The following UGGT2 variants were observed in gnomAD, a reference collection of about 807,000 sequenced individuals.
UGGT2 encodes UDP-glucose glycoprotein glucosyltransferase 2.
In UGGT2, 180 loss-of-function variants were observed where a neutral mutation model predicts 192.1. The ratio of observed to expected loss-of-function variants is 0.94; its 90% confidence interval spans 0.83 to 1.06. The LOEUF is 1.06. Among genes scored for constraint, UGGT2 ranks in the 50% least tolerant of loss-of-function variants. UGGT2 has a pLI of 0.00. For synonymous variants in UGGT2, 580 were observed against 591.0 expected, an observed-to-expected ratio of 0.98 and a Z score of 0.27; for missense variants, 1,849 against 1,795.7, an observed-to-expected ratio of 1.03 and a Z score of -0.54.
At chr13:95,887,831 G>A (rs1038795109) in intron 26 of UGGT2, 61 bp downstream of exon 26, 15 of 1,052,550 alleles carry the variant, frequency 1.4e-5, no homozygotes, top group South Asian at 2.9e-5. Context: ...AACAATGATT[G>A]TTTTTTTCTT....
chr13:95,987,503 G>A (rs368872762), intron 8 of UGGT2, among the ~76,000 whole-genome samples: 1 of 152,146 alleles, frequency 6.6e-6, no homozygotes. Context: ...CATTTTGAAG[G>A]AGGCTTAAAA....
intron 37 of UGGT2, among the ~76,000 whole-genome samples, chr13:95,835,723 T>C (rs1243381949): frequency 1.3e-5 from 2 of 152,116 alleles, no homozygotes; most frequent in Non-Finnish European, 2.9e-5. Flanking sequence ...AAAAACAATA[T>C]ACTAGGAAAA....
At chr13:95,812,888 C>A (rs1402510603) in intron 38 of UGGT2, among the ~76,000 whole-genome samples, 3 of 152,096 alleles carry the variant, frequency 2.0e-5, no homozygotes, top group South Asian at 2.1e-4. Context: ...AAGCTGATTG[C>A]CGTGATGGAT....
intron 4 of UGGT2, among the ~76,000 whole-genome samples, chr13:96,015,850 A>G (rs1016125467): frequency 5.3e-5 from 8 of 152,248 alleles, no homozygotes; most frequent in Admixed American, 1.3e-4. Flanking sequence ...ACCTATATAT[A>G]CACCGCAAGG....
chr13:95,979,546 CG>C, intron 10 of UGGT2, among the ~76,000 whole-genome samples: 1 of 5,892 alleles, frequency 1.7e-4, no homozygotes, highest in African/African-American at 3.8e-4. Flanking sequence ...TGGTCTCTTA[CG>C]CAAAAAAAAA....
chr13:95,804,174 A>C (rs944058402), intron 38 of UGGT2, among the ~76,000 whole-genome samples: 1 of 152,184 alleles, frequency 6.6e-6, no homozygotes, highest in South Asian at 2.1e-4. Flanking sequence ...TAAGTACAAA[A>C]GATCTATAGG....
rs1002272698 is a variant in UGGT2 at position 95,960,609 on chromosome 13, G to C, written c.1335+9503C>G. Among the ~76,000 whole-genome samples, 15 of 152,130 alleles carry C rather than the reference G, an allele frequency of 9.9e-5. 2 individuals carry two copies. The highest frequency in any genetic ancestry group is 3.6e-4 in the African/African-American group (15 of 41,530). ...GCTGTCCCAGAAGATTAAAAAAAAAGTATTAGAAAACCTATTTAATGAAAT... is the reference window on the plus strand; with the variant it reads ...GCTGTCCCAGAAGATTAAAAAAAAACTATTAGAAAACCTATTTAATGAAAT... On this transcript the variant is annotated intron_variant, in intron 12 of 38. Coordinates refer to ENST00000376747, the MANE Select transcript of UGGT2 (RefSeq NM_020121.4).
At chr13:96,006,214 T>G (rs1173212139) in intron 5 of UGGT2, among the ~76,000 whole-genome samples, 1 of 152,192 alleles carries the variant, frequency 6.6e-6, no homozygotes, top group Non-Finnish European at 1.5e-5. Flanking sequence ...GGAAAATTCA[T>G]CACACATATT....
intron 5 of UGGT2, 69 bp downstream of exon 5, chr13:96,013,238 T>C: frequency 7.0e-7 from 1 of 1,419,152 alleles, no homozygotes; most frequent in Non-Finnish European, 9.5e-7. Context: ...TTAAATCTAG[T>C]AAGACGATTA....
intron 38 of UGGT2, among the ~76,000 whole-genome samples, chr13:95,826,856 T>C (rs1886099230): frequency 6.6e-6 from 1 of 150,792 alleles, no homozygotes; most frequent in African/African-American, 2.4e-5. Context: ...ATTCTAAGGC[T>C]TGTATGGAAA....
intron 20 of UGGT2, among the ~76,000 whole-genome samples, chr13:95,905,247 G>T (rs1479346712): frequency 6.8e-6 from 1 of 148,130 alleles, no homozygotes; most frequent in African/African-American, 2.5e-5. Context: ...TTTGTAGGTT[G>T]CCTGTTCACT....
chr13:95,935,906 A>C (rs975186465), intron 17 of UGGT2, among the ~76,000 whole-genome samples: 1 of 152,282 alleles, frequency 6.6e-6, no homozygotes, highest in Non-Finnish European at 1.5e-5. Flanking sequence ...GACTTACTGC[A>C]GCCTCCATCT....
chr13:95,877,330 C>T lies in UGGT2; in HGVS notation c.3422G>A (p.Trp1141Ter). 1 of 1,607,596 alleles carries T rather than the reference C, an allele frequency of 6.2e-7. No homozygotes were observed. The highest frequency in any genetic ancestry group is 1.1e-5 in the South Asian group (1 of 88,870). ...YFQLKANPGAWILRLHQGKSE... is the reference protein window; with the variant it reads ...YFQLKANPGA ...TTTTCCTTGGTGTAACCTCAGTATC[C>T]AAGCACCTGGGTTTGCTTTTAATTG... The change falls in exon 29 of 39, where the codon TGG (tryptophan) becomes TAG (stop). Residue 1141 changes from tryptophan (W) to a stop codon, truncating the protein, a stop_gained. Transcript: ENST00000376747. LOFTEE classifies it high-confidence loss of function.
intron 38 of UGGT2, 71 bp downstream of exon 38, chr13:95,832,856 G>A: frequency 1.3e-6 from 2 of 1,565,012 alleles, no homozygotes; most frequent in Non-Finnish European, 1.7e-6. Flanking sequence ...ACTAAGAAAT[G>A]AGTCTGTAGT....
chr13:95,886,724 A>G (rs2047656372), intron 26 of UGGT2, among the ~76,000 whole-genome samples: 1 of 152,176 alleles, frequency 6.6e-6, no homozygotes, highest in Admixed American at 6.6e-5. Flanking sequence ...ATTGCTTTCC[A>G]ACTATTAAAA....
At chr13:95,822,406 T>C (rs1885600370) in intron 38 of UGGT2, among the ~76,000 whole-genome samples, 1 of 152,116 alleles carries the variant, frequency 6.6e-6, no homozygotes, top group African/African-American at 2.4e-5. Flanking sequence ...CCTGAGACTT[T>C]ATTGAATTAG....
At chr13:95,941,696 C>T (rs763529072) in intron 15 of UGGT2, among the ~76,000 whole-genome samples, 73 of 152,294 alleles carry the variant, frequency 4.8e-4, no homozygotes, top group Non-Finnish European at 7.9e-4. Context: ...TCCTCTTACA[C>T]ATTTTTAAAT....
chr13:96,033,530 G>A (rs914146781), intron 1 of UGGT2, among the ~76,000 whole-genome samples: 3 of 152,122 alleles, frequency 2.0e-5, no homozygotes, highest in African/African-American at 7.2e-5. Flanking sequence ...GGGTGCAGCT[G>A]CAACCACCCA....
chr13:95,854,397 T>C lies in UGGT2; in HGVS notation c.4087A>G (p.Ser1363Gly). ...CGATATCCATCCATTTCCCTGCGGC[T>C]ATCACAAAATGGAGTATACCCATAA... ...APYGYTPFCD[S>G]RREMDGYRFW... Residue 1363 changes from serine (S) to glycine (G), a missense_variant, in exon 35 of 39, where the codon AGC becomes GGC. Transcript: ENST00000376747. 6.2e-7 allele frequency: 1 copy of C among 1,613,930 alleles called. No individual in the cohort carries two copies. Among genetic ancestry groups the C allele is most frequent in the Non-Finnish European group, 8.5e-7 (1 of 1,179,924 alleles).
Sources: gnomAD v4.1 joint callset for allele counts (sites outside exome capture counted in the v4.1 genomes callset) on GRCh38, gnomAD v4.1.1 for gene constraint, MANE v1.5 for transcripts, NCBI Gene and HGNC (gene_info 2026-07-23, HGNC 2026-07-21) for gene names.